Variants in CAD observed in about 807,000 individuals in gnomAD.
CAD encodes multifunctional protein CAD.
A neutral mutation model predicts 237.2 loss-of-function variants in CAD; 81 were observed. The observed-to-expected ratio is 0.34, with a 90% CI of 0.29 to 0.41. CAD has a LOEUF of 0.41. Among genes scored for constraint, CAD ranks in the 10% least tolerant of loss-of-function variants. The pLI is 1.00. For synonymous variants in CAD, 1,196 were observed against 1,162.8 expected (o/e 1.03, Z -0.58); for missense variants, 2,181 against 2,951.7 (o/e 0.74, Z 6.05).
rs1251180355 is a variant in CAD, at chr2:27,240,992, C to A, written c.5638+37C>A. ...CCCTGACACACACTCACCTCGGGGA[C>A]CTCTGATCTGGCCTTGGTAGGAGGA... is the stretch of plus-strand genomic sequence containing the variant. On this transcript the variant is annotated intron_variant, in intron 36 of 43. Coordinates refer to ENST00000264705, the MANE Select transcript of CAD (RefSeq NM_004341.5). This position sits in a 1 kb window ranked among gnomAD's most constrained non-coding sequence, Gnocchi z 4.6. 4 of 1,613,936 alleles carry A rather than the reference C, an allele frequency of 2.5e-6. No homozygotes were observed. The highest frequency in any genetic ancestry group is 3.4e-6 in the Non-Finnish European group (4 of 1,179,970).
chr2:27,219,315 G>A (rs1381276622), intron 2 of CAD, among the ~76,000 whole-genome samples: 2 of 151,888 alleles, frequency 1.3e-5, no homozygotes, highest in Non-Finnish European at 2.9e-5. Context: ...GCTATTAAAC[G>A]CTTATCTATT....
intron 11 of CAD, 106 bp from the exon 12 acceptor site, chr2:27,225,599 A>C (rs1177927418): frequency 1.2e-6 from 1 of 851,846 alleles, no homozygotes; most frequent in East Asian, 2.6e-5. Context: ...GGCGTGAGCC[A>C]CTATGCCCAG....
Position 27,236,467 on chromosome 2 carries a change from G to A in CAD, c.4258G>A (p.Ala1420Thr), listed in dbSNP as rs776917312. The A allele has an allele frequency of 6.2e-7, 1 of 1,613,770 alleles. No individual in the cohort carries two copies. The highest frequency in any genetic ancestry group is 8.5e-7 in the Non-Finnish European group (1 of 1,180,024). Residue 1420 changes from alanine to threonine, a missense_variant, in exon 26 of 44, where the codon GCT (alanine) becomes ACT (threonine). By Grantham distance (58) the Ala-to-Thr change is moderately conservative. Transcript: ENST00000264705. This position sits in a 1 kb window ranked among gnomAD's most constrained non-coding sequence, Gnocchi z 4.1. ...TKGYRTRRLAADFSVPLIIDI... is the reference protein window; with the variant it reads ...TKGYRTRRLATDFSVPLIIDI... ...GGGCTACCGCACCCGACGCTTGGCC[G>A]CTGACTTCTCCGTGCCCCTAATCAT...
rs755534968 is a variant in CAD, at chr2:27,237,583, A to AT, written c.4563+39dup. ...ACTCTTCCTGGTATTGGAGACCCAT[A>AT]TGCCCCTACCAGCCACCCTTGCTTC... On this transcript the variant is annotated intron_variant, in intron 28 of 43. Transcript: ENST00000264705. The surrounding 1 kb of genome is among the most constrained non-coding windows in gnomAD (Gnocchi z 4.0). 5.6e-6 allele frequency: 9 copies of AT among 1,598,120 alleles called. No homozygotes were observed. In the South Asian group the frequency reaches 1.0e-4, roughly 18 times the overall value.
Position 27,224,884 on chromosome 2 carries a change from T to G in CAD, c.1386+8T>G, listed in dbSNP as rs1263565283. 4.3e-6 allele frequency: 7 copies of G among 1,614,038 alleles called. No individual in the cohort carries two copies. Among genetic ancestry groups the G allele is most frequent in the Non-Finnish European group, 5.9e-6 (7 of 1,180,022 alleles). ...CCTCATTATGTAACCCAGGTATGAC[T>G]GGGGCAAGGCTGGAATGAAAAGAGG... On this transcript the variant is annotated splice_region_variant and intron_variant, in intron 10 of 43. Transcript: ENST00000264705.
chr2:27,231,724 ATG>A, intron 16 of CAD, 144 bp downstream of exon 16: 1 of 671,866 alleles, frequency 1.5e-6, no homozygotes, highest in East Asian at 2.7e-5. Context: ...GAATTTTGAG[ATG>A]TCTCATTAGC....
In CAD at chr2:27,239,456, C is replaced by A. The variant is rs1477817850; in HGVS notation, c.5379C>A (p.Ala1793=). 6.2e-7 allele frequency: 1 copy of A among 1,613,682 alleles called. No homozygotes were observed. The highest frequency in any genetic ancestry group is 8.5e-7 in the Non-Finnish European group (1 of 1,179,886). Residue 1793 remains alanine (A), a synonymous_variant, in exon 33 of 44, where the codon GCC becomes GCA. Transcript: ENST00000264705. The surrounding 1 kb of genome is among the most constrained non-coding windows in gnomAD (Gnocchi z 4.0). The part of the protein sequence containing the change: ...VRRVVLRGEV[A]YIDGQVLVPP... Reference sequence around the variant, plus strand: ...GTGTGGTCCTGCGAGGGGAGGTTGCCTATATCGATGGGCAGGTACGCAAGT... The same window carrying A: ...GTGTGGTCCTGCGAGGGGAGGTTGCATATATCGATGGGCAGGTACGCAAGT...
Position 27,239,766 on chromosome 2 carries a change from C to T in CAD, c.5464C>T (p.Pro1822Ser), listed in dbSNP as rs758988403. ...WPQGAVPQLP[P>S]SAPATSEMTT... ...ACAGGGGGCTGTTCCTCAGCTCCCACCCTCAGCCCCTGCCACTAGTGAGAT... is the reference window on the plus strand; with the variant it reads ...ACAGGGGGCTGTTCCTCAGCTCCCATCCTCAGCCCCTGCCACTAGTGAGAT... Residue 1822 changes from proline to serine, a missense_variant, in exon 34 of 44, where the codon CCC becomes TCC. This residue lies in a region of CAD where 478 missense variants were observed against 515.0 expected (regional missense o/e 0.93). Coordinates refer to ENST00000264705, the MANE Select transcript of CAD (RefSeq NM_004341.5). This position sits in a 1 kb window ranked among gnomAD's most constrained non-coding sequence, Gnocchi z 4.0. 2.9e-5 allele frequency: 46 copies of T among 1,581,728 alleles called. No individual in the cohort carries two copies. The Middle Eastern group carries it at 1.0e-3, about 35-fold the overall frequency.
intron 2 of CAD, among the ~76,000 whole-genome samples, chr2:27,220,289 C>T (rs1296354628): frequency 6.6e-6 from 1 of 152,096 alleles, no homozygotes; most frequent in Admixed American, 6.5e-5. Flanking sequence ...GATGGAGGCA[C>T]AAGCTGTATT....
At position 27,233,945 on chromosome 2, in the gene CAD, A is replaced by G. The variant is rs950779508; in HGVS notation, c.3400-63A>G. Reference sequence around the variant, plus strand: ...TGTGGGGCTCGTTAAAGGAAGAGACAATCCTAGAGTAAGTGAGAGAAGAAA... The same window carrying G: ...TGTGGGGCTCGTTAAAGGAAGAGACGATCCTAGAGTAAGTGAGAGAAGAAA... On this transcript the variant is annotated intron_variant, in intron 21 of 43. Transcript: ENST00000264705. The surrounding 1 kb of genome is among the most constrained non-coding windows in gnomAD (Gnocchi z 6.3). 7 of 1,558,152 alleles carry G rather than the reference A, an allele frequency of 4.5e-6. No homozygotes were observed. The highest frequency in any genetic ancestry group is 6.2e-6 in the Non-Finnish European group (7 of 1,136,286).
Position 27,239,923 on chromosome 2 carries a change from G to A in CAD, c.5496+125G>A. ...TTCTTGAGGGACTGAATTTGAAGTG[G>A]GGTTGGGTCAATTATTTTTTTAAAA... On this transcript the variant is annotated intron_variant, in intron 34 of 43. Coordinates refer to ENST00000264705, the MANE Select transcript of CAD (RefSeq NM_004341.5). The surrounding 1 kb of genome is among the most constrained non-coding windows in gnomAD (Gnocchi z 4.0). 1 of 701,734 alleles carries A rather than the reference G, an allele frequency of 1.4e-6. No homozygotes were observed. 43.5% of individuals were successfully genotyped at this position (701,734 alleles called of 1,614,324 possible).
At chr2:27,220,152 A>C (rs1419383473) in intron 2 of CAD, among the ~76,000 whole-genome samples, 1 of 152,164 alleles carries the variant, frequency 6.6e-6, no homozygotes, top group Admixed American at 6.5e-5. Flanking sequence ...CCTGCACCTC[A>C]ATAAATGTCT....
At position 27,242,795 on chromosome 2, in the gene CAD, G is replaced by A. The variant is rs563235827; in HGVS notation, c.6378+20G>A. The A allele has an allele frequency of 6.2e-7, 1 of 1,614,208 alleles. No individual in the cohort carries two copies. Among genetic ancestry groups the A allele is most frequent in the Non-Finnish European group, 8.5e-7 (1 of 1,180,028 alleles). Reference sequence around the variant, plus strand: ...AAGCAGGTGAGACCCTCACAGCCCTGCCTGGAAGCCATGGAGATGTGGGTT... The same window carrying A: ...AAGCAGGTGAGACCCTCACAGCCCTACCTGGAAGCCATGGAGATGTGGGTT... On this transcript the variant is annotated intron_variant, in intron 41 of 43. Coordinates refer to ENST00000264705, the MANE Select transcript of CAD (RefSeq NM_004341.5). This position sits in a 1 kb window ranked among gnomAD's most constrained non-coding sequence, Gnocchi z 6.4.
intron 2 of CAD, among the ~76,000 whole-genome samples, chr2:27,220,149 C>T (rs1020471301): frequency 1.3e-5 from 2 of 152,124 alleles, no homozygotes; most frequent in African/African-American, 4.8e-5. Flanking sequence ...ATGCCTGCAC[C>T]TCAATAAATG....
intron 13 of CAD, 52 bp downstream of exon 13, chr2:27,226,371 T>C (rs1272569950): frequency 6.3e-7 from 1 of 1,586,920 alleles, no homozygotes; most frequent in Non-Finnish European, 8.6e-7. Context: ...CCTCTTCTTG[T>C]ATAATTTTTG....
chr2:27,229,022 G>A lies in CAD; in HGVS notation c.2287+2060G>A, dbSNP rs1029012500. Reference sequence around the variant, plus strand: ...CAACCTCTGCCTCCCAGGTTCAAGCGATTCACCTGCCTCAGCCTCCTGAGT... The same window carrying A: ...CAACCTCTGCCTCCCAGGTTCAAGCAATTCACCTGCCTCAGCCTCCTGAGT... On this transcript the variant is annotated intron_variant, in intron 15 of 43. Coordinates refer to ENST00000264705, the MANE Select transcript of CAD (RefSeq NM_004341.5). Among the ~76,000 whole-genome samples, 7 of 149,988 alleles carry A rather than the reference G, an allele frequency of 4.7e-5. No homozygotes were observed. In the South Asian group the frequency reaches 1.3e-3, roughly 27 times the overall value.
In CAD at chr2:27,223,708, T is replaced by G; in HGVS notation, c.955T>G (p.Ser319Ala). ...APLFTNANDGSNEGIVHNSLP... is the reference protein window; with the variant it reads ...APLFTNANDGANEGIVHNSLP... ...TCTCTTCACCAACGCCAATGATGGT[T>G]CCAATGAAGGCATTGTGCACAACAG... The change falls in exon 7 of 44, where the codon TCC becomes GCC. Residue 319 changes from serine (S) to alanine (A), a missense_variant. Around this residue, in one of 12 missense-constraint regions of CAD, gnomAD observed 129 missense variants for 143.3 expected, o/e 0.90. Coordinates refer to ENST00000264705, the MANE Select transcript of CAD (RefSeq NM_004341.5). 6.2e-7 allele frequency: 1 copy of G among 1,614,210 alleles called. No individual in the cohort carries two copies. Among genetic ancestry groups the G allele is most frequent in the Non-Finnish European group, 8.5e-7 (1 of 1,180,042 alleles).
Position 27,225,094 on chromosome 2 carries a change from G to T in CAD, c.1471G>T (p.Ala491Ser). Residue 491 changes from alanine (A) to serine (S), a missense_variant, in exon 11 of 44, where the codon GCC (alanine) becomes TCC (serine). Physicochemically the swap from Ala to Ser is moderately conservative, Grantham distance 99. Around this residue, in one of 12 missense-constraint regions of CAD, gnomAD observed 174 missense variants for 215.8 expected, o/e 0.81. Coordinates refer to ENST00000264705, the MANE Select transcript of CAD (RefSeq NM_004341.5). ...GAACTGTGGTGTGGAGCTGACCAAGGCCGGGGTGCTGGCTCGGTATGGGGT... is the reference window on the plus strand; with the variant it reads ...GAACTGTGGTGTGGAGCTGACCAAGTCCGGGGTGCTGGCTCGGTATGGGGT... ...ALNCGVELTKAGVLARYGVRV... is the reference protein window; with the variant it reads ...ALNCGVELTKSGVLARYGVRV... 1.2e-6 allele frequency: 2 copies of T among 1,614,168 alleles called. No homozygotes were observed. Among genetic ancestry groups the T allele is most frequent in the Non-Finnish European group, 1.7e-6 (2 of 1,180,034 alleles).
Position 27,235,023 on chromosome 2 carries a change from G to A in CAD, c.3787-222G>A, listed in dbSNP as rs1040089899. Among the ~76,000 whole-genome samples the A allele has an allele frequency of 6.6e-6, 1 of 152,196 alleles. No individual in the cohort carries two copies. Among genetic ancestry groups the A allele is most frequent in the African/African-American group, 2.4e-5 (1 of 41,448 alleles). The stretch of plus-strand genomic sequence containing the variant: ...AGCGAAGGGGTGCTATTTGAATTGA[G>A]TTTTGAAGGATGGTTAAGGTTTTTT... On this transcript the variant is annotated intron_variant, in intron 23 of 43. Transcript: ENST00000264705. The surrounding 1 kb of genome is among the most constrained non-coding windows in gnomAD (Gnocchi z 5.2).
Sources: allele counts gnomAD v4.1 joint callset (sites outside exome capture counted in the v4.1 genomes callset), GRCh38; gene constraint gnomAD v4.1.1; regional missense constraint gnomAD v4.1.1; non-coding constraint Gnocchi (gnomAD v3.1); transcripts MANE v1.5; gene names NCBI Gene and HGNC (gene_info 2026-07-23, HGNC 2026-07-21).